TRPC5: variants seen among roughly 807,000 people sequenced by gnomAD.
TRPC5 encodes the protein short transient receptor potential channel 5.
A neutral mutation model predicts 56.5 loss-of-function variants in TRPC5; 9 were observed. That is an observed-to-expected ratio of 0.16 (90% CI 0.10 to 0.28). The LOEUF is 0.28. Ranked by LOEUF, TRPC5 falls within the 10% of genes least tolerant of loss-of-function variation. TRPC5 has a pLI of 1.00. For missense variants in TRPC5, 469 were observed against 748.9 expected, an observed-to-expected ratio of 0.63 and a Z score of 4.36; for synonymous variants, 282 against 278.5, an observed-to-expected ratio of 1.01 and a Z score of -0.13.
intron 1 of TRPC5, among the ~76,000 whole-genome samples, chrX:112,052,826 A>G (rs978216717): frequency 3.6e-5 from 4 of 111,680 alleles, no homozygotes; most frequent in Admixed American, 1.9e-4. Context: ...ATTCTTTTGC[A>G]TATTGATATC....
chrX:112,024,805 A>G (rs150781670), intron 1 of TRPC5, among the ~76,000 whole-genome samples: 3,391 of 111,853 alleles, frequency 0.03, 60 homozygotes, highest in Middle Eastern at 0.051. Context: ...TGAATGATTA[A>G]GAGACCTGTA....
intron 7 of TRPC5, among the ~76,000 whole-genome samples, chrX:111,818,586 C>T (rs182408173): frequency 1.6e-3 from 177 of 107,868 alleles, no homozygotes; most frequent in African/African-American, 5.5e-3. Flanking sequence ...TTACCTACCA[C>T]TTTTCTTTTC....
intron 2 of TRPC5, among the ~76,000 whole-genome samples, chrX:111,944,388 C>G (rs1926880197): frequency 9.2e-6 from 1 of 108,519 alleles, no homozygotes; most frequent in Admixed American, 1.0e-4. Context: ...TAGGGAAACT[C>G]TGCTTGGGTC....
At chrX:111,898,314 T>A (rs1259534313) in intron 3 of TRPC5, among the ~76,000 whole-genome samples, 1 of 106,051 alleles carries the variant, frequency 9.4e-6, no homozygotes, top group Non-Finnish European at 1.9e-5. Flanking sequence ...CACACATATA[T>A]CTGACAATGA....
chrX:111,981,704 C>T (rs1224407158), intron 1 of TRPC5, among the ~76,000 whole-genome samples: 1 of 111,750 alleles, frequency 8.9e-6, no homozygotes, highest in Non-Finnish European at 1.9e-5. Context: ...GAGGTAAAAT[C>T]CTTGAGTGAT....
intron 1 of TRPC5, among the ~76,000 whole-genome samples, chrX:112,024,721 G>T (rs1387979691): frequency 3.6e-5 from 4 of 111,763 alleles, no homozygotes; most frequent in Admixed American, 1.9e-4. Flanking sequence ...AAAGATGAAA[G>T]AAAGTCTCAA....
chrX:111,908,010 A>G (rs1925687532), intron 3 of TRPC5, among the ~76,000 whole-genome samples: 1 of 112,065 alleles, frequency 8.9e-6, no homozygotes, highest in African/African-American at 3.2e-5. Context: ...TGCTAAAGTT[A>G]AAATCACAAA....
At chrX:112,081,384 G>T (rs1283719669) in intron 1 of TRPC5, among the ~76,000 whole-genome samples, 1 of 111,536 alleles carries the variant, frequency 9.0e-6, no homozygotes, top group Non-Finnish European at 1.9e-5. Flanking sequence ...AAGGATACAA[G>T]ACAAAGAAGG....
At chrX:111,921,576 T>C (rs906840665) in intron 2 of TRPC5, among the ~76,000 whole-genome samples, 1 of 111,018 alleles carries the variant, frequency 9.0e-6, no homozygotes, top group Non-Finnish European at 1.9e-5. Context: ...TACTGAAAGA[T>C]CTTGGACTTT....
At chrX:112,009,954 C>A (rs182911039) in intron 1 of TRPC5, among the ~76,000 whole-genome samples, 38 of 111,381 alleles carry the variant, frequency 3.4e-4, no homozygotes, top group African/African-American at 1.1e-3. Flanking sequence ...ATGTAACAAA[C>A]CTGCACGTTG....
chrX:111,840,092 C>A (rs368026046), intron 6 of TRPC5, among the ~76,000 whole-genome samples: 1 of 112,422 alleles, frequency 8.9e-6, no homozygotes, highest in Non-Finnish European at 1.9e-5. Context: ...ATGGTGTGAA[C>A]CCGGGAGGTG....
intron 3 of TRPC5, among the ~76,000 whole-genome samples, chrX:111,886,525 G>A (rs1924505436): frequency 9.0e-6 from 1 of 111,527 alleles, no homozygotes; most frequent in Non-Finnish European, 1.9e-5. Context: ...TATTTGTTGA[G>A]CCTTGCAGCA....
chrX:111,975,761 G>A (rs868544397), intron 1 of TRPC5, among the ~76,000 whole-genome samples: 3 of 111,799 alleles, frequency 2.7e-5, no homozygotes, highest in Non-Finnish European at 3.8e-5. Flanking sequence ...AAAATTAGCC[G>A]GGCGTGGCGG....
intron 3 of TRPC5, among the ~76,000 whole-genome samples, chrX:111,904,967 ATT>A (rs1401089074): frequency 5.9e-5 from 6 of 101,167 alleles, no homozygotes; most frequent in African/African-American, 1.1e-4. Flanking sequence ...TTTGGAGCTG[ATT>A]TTTTTTTTTT....
chrX:112,022,346 T>G (rs1929293000), intron 1 of TRPC5, among the ~76,000 whole-genome samples: 1 of 112,232 alleles, frequency 8.9e-6, no homozygotes, highest in Admixed American at 9.4e-5. Context: ...ATTTTTCATG[T>G]GTGTACCATG....
chrX:111,948,580 A>G (rs1216696897), intron 2 of TRPC5, among the ~76,000 whole-genome samples: 2 of 109,416 alleles, frequency 1.8e-5, no homozygotes, highest in East Asian at 5.7e-4. Context: ...AAAATACAAA[A>G]AATTAGCCAG....
chrX:112,057,375 C>G (rs1450335850), intron 1 of TRPC5, among the ~76,000 whole-genome samples: 1 of 111,596 alleles, frequency 9.0e-6, no homozygotes, highest in Non-Finnish European at 1.9e-5. Flanking sequence ...GTTTGTTTGG[C>G]TTCAAGGGAC....
chrX:111,964,511 G>A (rs1486633560), intron 1 of TRPC5, among the ~76,000 whole-genome samples: 15 of 111,422 alleles, frequency 1.3e-4, no homozygotes, highest in Admixed American at 3.8e-4. Flanking sequence ...CAACTCCAAG[G>A]CACATAATTG....
intron 1 of TRPC5, among the ~76,000 whole-genome samples, chrX:111,968,440 A>G (rs1342970804): frequency 9.0e-6 from 1 of 111,648 alleles, no homozygotes; most frequent in East Asian, 2.8e-4. Context: ...ATCTAGAACT[A>G]GAAATACCAT....
Sources: gnomAD v4.1 joint callset for allele counts (sites outside exome capture counted in the v4.1 genomes callset) on GRCh38, gnomAD v4.1.1 for gene constraint, MANE v1.5 for transcripts, NCBI Gene and HGNC (gene_info 2026-07-23, HGNC 2026-07-21) for gene names.